Variants in HIF1A observed in about 807,000 individuals in gnomAD.
HIF1A encodes the protein hypoxia inducible factor 1 subunit alpha, also known as hypoxia-inducible factor 1-alpha.
Under a neutral mutation model 92.7 loss-of-function variants are expected in HIF1A, and 24 were observed. The observed-to-expected ratio is 0.26, with a 90% CI of 0.19 to 0.36. HIF1A has a LOEUF of 0.36. Ranked by LOEUF, HIF1A falls within the 10% of genes least tolerant of loss-of-function variation. The probability of loss-of-function intolerance (pLI) is 1.00; values close to 1 mark genes in which losing one functional copy is unlikely to be tolerated. For synonymous variants in HIF1A, 319 were observed against 338.7 expected (o/e 0.94, Z 0.64); for missense variants, 799 against 998.5 (o/e 0.80, Z 2.69).
At chr14:61,746,840 C>G in intron 14 of HIF1A, 94 bp from the exon 15 acceptor site, 1 of 1,020,224 alleles carries the variant, frequency 9.8e-7, no homozygotes, top group Non-Finnish European at 1.4e-6. Flanking sequence ...CAGAATTTTG[C>G]TTTATTTTCT....
chr14:61,721,429 T>G, intron 2 of HIF1A, 80 bp from the exon 3 acceptor site: 1 of 1,258,976 alleles, frequency 7.9e-7, no homozygotes, highest in Non-Finnish European at 1.1e-6. Flanking sequence ...GCGAGAAAAC[T>G]TTGTAAAAAC....
Position 61,727,490 on chromosome 14 carries a change from C to A in HIF1A, c.608C>A (p.Thr203Asn). 1 of 1,613,772 alleles carries A rather than the reference C, an allele frequency of 6.2e-7. No homozygotes were observed. Among genetic ancestry groups the A allele is most frequent in the South Asian group, 1.1e-5 (1 of 91,074 alleles). ...HCTGHIHVYD[T>N]NSNQPQCGYK... ...ACAGGCCACATTCACGTATATGATA[C>A]CAACAGTAACCAACCTCAGTGTGGG... The change falls in exon 6 of 15, where the codon ACC (threonine) becomes AAC (asparagine). Residue 203 changes from threonine to asparagine, a missense_variant. Physicochemically the swap from Thr to Asn is moderately conservative, Grantham distance 65 (BLOSUM62 0). Transcript: ENST00000337138.
rs1001837344 is a variant in HIF1A, at chr14:61,734,356, A to G, written c.1028+71A>G. The stretch of plus-strand genomic sequence containing the variant: ...TTCTTTTTGGATACTCTGTTCATTT[A>G]TAGGAAGATAAGATAATAAATATTA... On this transcript the variant is annotated intron_variant, in intron 8 of 14. Coordinates refer to ENST00000337138, the MANE Select transcript of HIF1A (RefSeq NM_001530.4). 53 of 1,023,028 alleles carry G rather than the reference A, an allele frequency of 5.2e-5. No homozygotes were observed. In the East Asian group the frequency reaches 1.4e-3, roughly 26 times the overall value. The allele number at this position is 1,023,028 out of a possible 1,614,324, so 63.4% of individuals were successfully genotyped here. A position where few individuals can be genotyped will look rare whatever the true frequency, so the allele number is the denominator to read the frequency against.
chr14:61,697,158 G>C (rs989656543), intron 1 of HIF1A, among the ~76,000 whole-genome samples: 2 of 152,148 alleles, frequency 1.3e-5, no homozygotes, highest in Non-Finnish European at 2.9e-5. Context: ...TTATATTCCT[G>C]CTGTTTTGTA....
chr14:61,697,833 T>A (rs2044133835), intron 1 of HIF1A: 1 of 1,394,474 alleles, frequency 7.2e-7, no homozygotes, highest in African/African-American at 1.7e-5. Flanking sequence ...CTTCAAGCAA[T>A]TTTTTTTTTC....
Position 61,726,763 on chromosome 14 carries a change from A to C in HIF1A, c.515A>C (p.Lys172Thr). 1 of 1,609,984 alleles carries C rather than the reference A, an allele frequency of 6.2e-7. No homozygotes were observed. The highest frequency in any genetic ancestry group is 8.5e-7 in the Non-Finnish European group (1 of 1,178,274). Residue 172 changes from lysine (K) to threonine (T), a missense_variant, in exon 5 of 15, where the codon AAG (lysine) becomes ACG (threonine). Physicochemically the swap from Lys to Thr is moderately conservative, Grantham distance 78. Transcript: ENST00000337138. Reference protein sequence around the residue: ...NTQRSFFLRMKCTLTSRGRTM... With the variant: ...NTQRSFFLRMTCTLTSRGRTM... ...CAGCGAAGCTTTTTTCTCAGAATGAAGTGTACCCTAACTAGCCGAGGAAGA... is the reference window on the plus strand; with the variant it reads ...CAGCGAAGCTTTTTTCTCAGAATGACGTGTACCCTAACTAGCCGAGGAAGA...
chr14:61,709,275 T>A (rs1230412057), intron 1 of HIF1A, among the ~76,000 whole-genome samples: 1 of 152,230 alleles, frequency 6.6e-6, no homozygotes, highest in Non-Finnish European at 1.5e-5. Context: ...AGATTTTATT[T>A]ATATCACTAG....
At chr14:61,731,783 T>C (rs1340929403) in intron 6 of HIF1A, among the ~76,000 whole-genome samples, 1 of 152,248 alleles carries the variant, frequency 6.6e-6, no homozygotes, top group Non-Finnish European at 1.5e-5. Flanking sequence ...GTATTTCTTA[T>C]CTGTTTATTA....
chr14:61,725,289 G>GTAGA (rs1404712054), intron 4 of HIF1A, among the ~76,000 whole-genome samples: 6 of 152,108 alleles, frequency 3.9e-5, no homozygotes, highest in African/African-American at 1.4e-4. Flanking sequence ...GAAAGGTGGC[G>GTAGA]TATCTTACTC....
chr14:61,716,512 A>G (rs2044366166), intron 1 of HIF1A, among the ~76,000 whole-genome samples: 1 of 152,218 alleles, frequency 6.6e-6, no homozygotes, highest in African/African-American at 2.4e-5. Flanking sequence ...TTGAAGTCAC[A>G]TATTTTTACA....
chr14:61,743,295 T>A (rs971813299), intron 12 of HIF1A, among the ~76,000 whole-genome samples: 2 of 152,126 alleles, frequency 1.3e-5, no homozygotes, highest in African/African-American at 4.8e-5. Flanking sequence ...GGTCTCAAAC[T>A]CCCGACCTCA....
intron 1 of HIF1A, among the ~76,000 whole-genome samples, chr14:61,711,047 C>CA (rs60358775): frequency 9.2e-4 from 104 of 113,456 alleles, no homozygotes; most frequent in African/African-American, 2.9e-3. Flanking sequence ...GACTCTGTCT[C>CA]AAAAAAAAAA....
intron 6 of HIF1A, among the ~76,000 whole-genome samples, chr14:61,730,634 C>T (rs555749847): frequency 6.6e-6 from 1 of 152,176 alleles, no homozygotes; most frequent in Non-Finnish European, 1.5e-5. Flanking sequence ...GGCTGTTCCT[C>T]ATTCTACCAT....
chr14:61,704,720 G>A (rs576167522), intron 1 of HIF1A, among the ~76,000 whole-genome samples: 2 of 152,224 alleles, frequency 1.3e-5, no homozygotes, highest in African/African-American at 2.4e-5. Context: ...TTTCTTCAAC[G>A]CTTAACCATG....
chr14:61,737,175 C>A, intron 9 of HIF1A, 66 bp downstream of exon 9: 2 of 1,068,592 alleles, frequency 1.9e-6, no homozygotes, highest in Non-Finnish European at 2.8e-6. Flanking sequence ...TTCAACTAAA[C>A]ATTACTTTAC....
intron 2 of HIF1A, among the ~76,000 whole-genome samples, chr14:61,721,117 T>G (rs949921465): frequency 6.6e-6 from 1 of 152,136 alleles, no homozygotes; most frequent in African/African-American, 2.4e-5. Flanking sequence ...GGTAGGTGCC[T>G]GTAATCTCAG....
chr14:61,721,121 A>C (rs1433088215), intron 2 of HIF1A, among the ~76,000 whole-genome samples: 1 of 152,122 alleles, frequency 6.6e-6, no homozygotes, highest in Non-Finnish European at 1.5e-5. Flanking sequence ...GGTGCCTGTA[A>C]TCTCAGCTAC....
chr14:61,741,554 A>G (rs2044712600), intron 12 of HIF1A, among the ~76,000 whole-genome samples: 1 of 151,868 alleles, frequency 6.6e-6, no homozygotes, highest in African/African-American at 2.4e-5. Flanking sequence ...TTTTTCATAG[A>G]GACAGGGTTT....
In HIF1A at chr14:61,695,661, G is replaced by T. The variant is rs1373814013; in HGVS notation, c.-144G>T. ...GGCGATTGCCGCCCGCTTCTCTCTA[G>T]TCTCACGAGGGGTTTCCCGCCTCGC... On this transcript the variant is annotated 5_prime_UTR_variant, in exon 1 of 15. Transcript: ENST00000337138. 5 of 839,452 alleles carry T rather than the reference G, an allele frequency of 6.0e-6. No individual in the cohort carries two copies. The highest frequency in any genetic ancestry group is 1.7e-5 in the South Asian group (1 of 58,356). 52.0% of individuals were successfully genotyped at this position (839,452 alleles called of 1,614,324 possible).
Sources: allele counts gnomAD v4.1 joint callset (sites outside exome capture counted in the v4.1 genomes callset), GRCh38; gene constraint gnomAD v4.1.1; transcripts MANE v1.5; gene names NCBI Gene and HGNC (gene_info 2026-07-23, HGNC 2026-07-21).